Variants in RIMS1 observed in about 807,000 individuals in gnomAD.
RIMS1 encodes regulating synaptic membrane exocytosis 1, also known as regulating synaptic membrane exocytosis protein 1.
Under a neutral mutation model 214.1 loss-of-function variants are expected in RIMS1, and 83 were observed. The observed-to-expected ratio is 0.39, with a 90% CI of 0.32 to 0.47. RIMS1 has a LOEUF of 0.47. Ranked by LOEUF, RIMS1 falls within the 20% of genes least tolerant of loss-of-function variation. The pLI is 0.99. For synonymous variants in RIMS1, 793 were observed against 786.8 expected (o/e 1.01, Z -0.13); for missense variants, 2,050 against 2,161.8 (o/e 0.95, Z 1.03).
chr6:72,051,145 C>T (rs752519574), intron 2 of RIMS1, among the ~76,000 whole-genome samples: 5 of 152,078 alleles, frequency 3.3e-5, no homozygotes, highest in African/African-American at 7.2e-5. Flanking sequence ...CTACCCTTTT[C>T]GTTATCTCAG....
chr6:72,265,353 A>G lies in RIMS1; in HGVS notation c.3195-37A>G, dbSNP rs116297889. 1,024 of 1,109,324 alleles carry G rather than the reference A, an allele frequency of 9.2e-4. 11 individuals carry two copies. The African/African-American group carries it at 0.015, about 16-fold the overall frequency. 68.7% of individuals were successfully genotyped at this position (1,109,324 alleles called of 1,614,324 possible). A position where few individuals can be genotyped will look rare whatever the true frequency, so the allele number is the denominator to read the frequency against. On this transcript the variant is annotated intron_variant, in intron 20 of 33. Transcript: ENST00000521978. Reference sequence around the variant, plus strand: ...TACTTGTTGATTTTAATTATAATTTATTTTATTTTATTTTTGTGTAATTTT... The same window carrying G: ...TACTTGTTGATTTTAATTATAATTTGTTTTATTTTATTTTTGTGTAATTTT...
At chr6:72,053,534 C>A (rs1446706840) in intron 2 of RIMS1, among the ~76,000 whole-genome samples, 1 of 152,116 alleles carries the variant, frequency 6.6e-6, no homozygotes, top group Non-Finnish European at 1.5e-5. Context: ...GAATACTTGC[C>A]ATCTACCTAG....
At chr6:72,054,067 C>T (rs1825450138) in intron 2 of RIMS1, among the ~76,000 whole-genome samples, 1 of 151,928 alleles carries the variant, frequency 6.6e-6, no homozygotes, top group Non-Finnish European at 1.5e-5. Flanking sequence ...TAATTGCTCT[C>T]CCTCCCCTTG....
At chr6:72,178,254 G>T (rs1271735176) in intron 4 of RIMS1, among the ~76,000 whole-genome samples, 1 of 151,950 alleles carries the variant, frequency 6.6e-6, no homozygotes, top group African/African-American at 2.4e-5. Context: ...TAATTCACCT[G>T]CAGTATTTTC....
Position 72,264,983 on chromosome 6 carries a change from T to C in RIMS1, c.3125T>C (p.Val1042Ala), listed in dbSNP as rs1480682848. 6.3e-7 allele frequency: 1 copy of C among 1,588,680 alleles called. No homozygotes were observed. The highest frequency in any genetic ancestry group is 8.6e-7 in the Non-Finnish European group (1 of 1,164,732). The change falls in exon 20 of 34, where the codon GTT (valine) becomes GCT (alanine). Residue 1042 changes from valine (V) to alanine (A), a missense_variant. Transcript: ENST00000521978. ...AECLHTTRHL[V>A]RHYKTLPPKM... ...GTGTTGCTACGTTCCAGACATCTTG[T>C]TAGGCACTATAAAACATTACCTCCC...
At chr6:72,038,406 C>T (rs931335154) in intron 2 of RIMS1, among the ~76,000 whole-genome samples, 2 of 151,690 alleles carry the variant, frequency 1.3e-5, no homozygotes, top group African/African-American at 4.8e-5. Context: ...AACAGTTTTT[C>T]ATAATTCAGT....
At chr6:72,266,569 A>G (rs1347155981) in intron 22 of RIMS1, among the ~76,000 whole-genome samples, 1 of 152,082 alleles carries the variant, frequency 6.6e-6, no homozygotes, top group African/African-American at 2.4e-5. Context: ...TTTTACCTTA[A>G]ATTATACTTT....
chr6:71,957,585 A>C (rs1316325326), intron 1 of RIMS1, among the ~76,000 whole-genome samples: 3 of 150,410 alleles, frequency 2.0e-5, no homozygotes, highest in African/African-American at 7.5e-5. Context: ...TGAATCTATA[A>C]ATAAGTACAT....
Position 72,262,544 on chromosome 6 carries a change from G to A in RIMS1, c.3116+1777G>A, listed in dbSNP as rs765048301. 1.7e-5 allele frequency: 17 copies of A among 984,378 alleles called. No individual in the cohort carries two copies. The African/African-American group carries it at 2.6e-4, about 15-fold the overall frequency. The allele number at this position is 984,378 out of a possible 1,614,324, so 61.0% of individuals were successfully genotyped here. On this transcript the variant is annotated intron_variant, in intron 19 of 33. Transcript: ENST00000521978. ...CTTCCTGTCTTTCATTCTCTAATGT[G>A]TAATGCTAAAAGTATGGAGATAGAG...
At chr6:72,250,900 C>G in intron 13 of RIMS1, 21 bp from the exon 14 acceptor site, 1 of 1,408,722 alleles carries the variant, frequency 7.1e-7, no homozygotes, top group Non-Finnish European at 9.5e-7. Flanking sequence ...TTTTCATTTA[C>G]AAAACATACT....
chr6:71,965,574 C>T (rs1794205149), intron 1 of RIMS1, among the ~76,000 whole-genome samples: 1 of 152,132 alleles, frequency 6.6e-6, no homozygotes, highest in African/African-American at 2.4e-5. Flanking sequence ...CCATTCATCG[C>T]ATTGATTGCA....
intron 33 of RIMS1, among the ~76,000 whole-genome samples, chr6:72,399,388 G>A (rs2098815002): frequency 6.6e-6 from 1 of 151,670 alleles, no homozygotes; most frequent in Admixed American, 6.6e-5. Flanking sequence ...CTCCTCACTA[G>A]ATAGATAGAT....
intron 6 of RIMS1, among the ~76,000 whole-genome samples, chr6:72,195,706 T>G (rs1027818680): frequency 6.6e-6 from 1 of 152,104 alleles, no homozygotes; most frequent in Admixed American, 6.6e-5. Flanking sequence ...AGCAGTATAA[T>G]GCATACTGCT....
Position 72,097,012 on chromosome 6 carries a change from G to A in RIMS1, c.309G>A (p.Arg103=). The change falls in exon 3 of 34, where the codon CGG becomes CGA. Residue 103 remains arginine (R), a synonymous_variant. Coordinates refer to ENST00000521978, the MANE Select transcript of RIMS1 (RefSeq NM_014989.7). ...TGAGAAAAATAGGGGAAGAAGCGCG[G>A]CGTTACCAGGGCGAGCACAAAGACG... ...EQVRKIGEEA[R]RYQGEHKDDA... is the part of the protein sequence containing the mutation. 1 of 1,613,936 alleles carries A rather than the reference G, an allele frequency of 6.2e-7. No homozygotes were observed. Among genetic ancestry groups the A allele is most frequent in the Non-Finnish European group, 8.5e-7 (1 of 1,179,870 alleles).
chr6:71,921,672 C>T (rs1252854167), intron 1 of RIMS1, among the ~76,000 whole-genome samples: 1 of 152,130 alleles, frequency 6.6e-6, no homozygotes, highest in Non-Finnish European at 1.5e-5. Context: ...AGGCTTTTTT[C>T]ATAAGTAGTG....
intron 2 of RIMS1, among the ~76,000 whole-genome samples, chr6:72,038,119 ATATATATAT>A (rs1338056351): frequency 4.2e-4 from 9 of 21,578 alleles, no homozygotes; most frequent in African/African-American, 1.5e-3. Flanking sequence ...AAAAAAAAAA[ATATATATAT>A]ATATATATAT....
chr6:71,890,672 T>C (rs1253043313), intron 1 of RIMS1, among the ~76,000 whole-genome samples: 1 of 151,212 alleles, frequency 6.6e-6, no homozygotes, highest in Non-Finnish European at 1.5e-5. Context: ...GGTTTGAGGA[T>C]GAGAATCGAG....
intron 2 of RIMS1, among the ~76,000 whole-genome samples, chr6:72,002,507 A>G (rs539063680): frequency 6.6e-6 from 1 of 152,190 alleles, no homozygotes; most frequent in Non-Finnish European, 1.5e-5. Flanking sequence ...CCAAAGATGC[A>G]TGGGGTAGGA....
chr6:72,130,208 A>ATGAT (rs1232495237), intron 4 of RIMS1, among the ~76,000 whole-genome samples: 1 of 152,174 alleles, frequency 6.6e-6, no homozygotes, highest in Non-Finnish European at 1.5e-5. Context: ...CTCTGACTAG[A>ATGAT]TGATTATTCC....
Sources: allele counts gnomAD v4.1 joint callset (sites outside exome capture counted in the v4.1 genomes callset), GRCh38; gene constraint gnomAD v4.1.1; transcripts MANE v1.5; gene names NCBI Gene and HGNC (gene_info 2026-07-23, HGNC 2026-07-21).